EXOC6B: variants seen among roughly 807,000 people sequenced by gnomAD.
EXOC6B encodes SEC15 homolog B.
In EXOC6B, 54 loss-of-function variants were observed where a neutral mutation model predicts 113.5. The observed-to-expected ratio is 0.48, with a 90% CI of 0.38 to 0.60. The LOEUF (loss-of-function observed/expected upper bound fraction) is 0.60, where lower values mean the gene tolerates loss of function less well. EXOC6B is among the 20% of genes least tolerant of loss of function. The pLI is 0.00. For synonymous variants in EXOC6B, 357 were observed against 339.0 expected (o/e 1.05, Z -0.58); for missense variants, 797 against 977.5 (o/e 0.82, Z 2.46).
intron 1 of EXOC6B, among the ~76,000 whole-genome samples, chr2:72,780,390 T>C (rs1683953682): frequency 6.6e-6 from 1 of 152,198 alleles, no homozygotes; most frequent in Non-Finnish European, 1.5e-5. Flanking sequence ...TAAAATAACC[T>C]GATTATACAA....
In EXOC6B at chr2:72,178,322, G is replaced by C. The variant is rs894973791; in HGVS notation, c.*1013C>G. The C allele has an allele frequency of 2.6e-5, 4 of 152,222 alleles. No individual in the cohort carries two copies. Among genetic ancestry groups the C allele is most frequent in the African/African-American group, 9.6e-5 (4 of 41,452 alleles). The allele number at this position is 152,222 out of a possible 1,614,324, so 9.4% of individuals were successfully genotyped here. A position where few individuals can be genotyped will look rare whatever the true frequency, so the allele number is the denominator to read the frequency against. On this transcript the variant is annotated 3_prime_UTR_variant, in exon 22 of 22. Coordinates refer to ENST00000272427, the MANE Select transcript of EXOC6B (RefSeq NM_015189.3). ...CTTAAAGATGATAACCAAAAAGCTGGTTTTAAAACATAAAGGAACAATCCC... is the reference window on the plus strand; with the variant it reads ...CTTAAAGATGATAACCAAAAAGCTGCTTTTAAAACATAAAGGAACAATCCC...
intron 20 of EXOC6B, among the ~76,000 whole-genome samples, chr2:72,334,081 A>G (rs1249831422): frequency 2.0e-5 from 3 of 152,106 alleles, no homozygotes; most frequent in Non-Finnish European, 4.4e-5. Flanking sequence ...AGACAAAAAA[A>G]AAAAAGATTG....
intron 18 of EXOC6B, among the ~76,000 whole-genome samples, chr2:72,445,442 T>C (rs888805072): frequency 1.3e-5 from 2 of 152,140 alleles, no homozygotes; most frequent in Admixed American, 6.5e-5. Flanking sequence ...AGGGCCCCAC[T>C]CTACTGGTAC....
chr2:72,498,066 G>T (rs762003136), intron 13 of EXOC6B, among the ~76,000 whole-genome samples: 2 of 152,174 alleles, frequency 1.3e-5, no homozygotes, highest in Non-Finnish European at 2.9e-5. Flanking sequence ...ATTCCTAAGT[G>T]CTCAAATGTT....
At chr2:72,407,201 T>C (rs1693839525) in intron 18 of EXOC6B, among the ~76,000 whole-genome samples, 2 of 152,024 alleles carry the variant, frequency 1.3e-5, no homozygotes, top group Non-Finnish European at 2.9e-5. Flanking sequence ...AATAACAGGC[T>C]CTGAAATTGA....
At chr2:72,575,834 C>G (rs1299017495) in intron 6 of EXOC6B, among the ~76,000 whole-genome samples, 166 bp from the exon 7 acceptor site, 1 of 152,112 alleles carries the variant, frequency 6.6e-6, no homozygotes, top group African/African-American at 2.4e-5. Flanking sequence ...GGCCTTAGTA[C>G]ATAAAGTTTT....
chr2:72,321,646 C>G (rs140228458), intron 20 of EXOC6B, among the ~76,000 whole-genome samples: 2 of 151,910 alleles, frequency 1.3e-5, no homozygotes, highest in South Asian at 2.1e-4. Context: ...TCCGTTTATA[C>G]GCATTATTCC....
chr2:72,665,124 C>T (rs1051768916), intron 6 of EXOC6B, among the ~76,000 whole-genome samples: 4 of 152,080 alleles, frequency 2.6e-5, no homozygotes, highest in Non-Finnish European at 5.9e-5. Context: ...GTTTGCCAGC[C>T]GCAGCCTCTG....
intron 8 of EXOC6B, among the ~76,000 whole-genome samples, chr2:72,534,574 C>T (rs367604001): frequency 9.9e-5 from 15 of 152,182 alleles, no homozygotes; most frequent in African/African-American, 2.6e-4. Context: ...GGCAACTTTA[C>T]GTACGCTTAA....
intron 19 of EXOC6B, among the ~76,000 whole-genome samples, chr2:72,364,171 T>C (rs1330570314): frequency 6.6e-6 from 1 of 152,122 alleles, no homozygotes; most frequent in African/African-American, 2.4e-5. Context: ...TTGAATTTTA[T>C]GTATCATTTC....
At chr2:72,545,645 A>C (rs1702855759) in intron 8 of EXOC6B, among the ~76,000 whole-genome samples, 1 of 152,216 alleles carries the variant, frequency 6.6e-6, no homozygotes, top group Non-Finnish European at 1.5e-5. Context: ...TAATGTAGTC[A>C]AGTTTATGAA....
At chr2:72,588,920 T>C (rs1705751718) in intron 6 of EXOC6B, among the ~76,000 whole-genome samples, 1 of 152,010 alleles carries the variant, frequency 6.6e-6, no homozygotes, top group Non-Finnish European at 1.5e-5. Context: ...ATATTACCTT[T>C]TTCCTTTACA....
intron 19 of EXOC6B, among the ~76,000 whole-genome samples, chr2:72,375,886 A>C (rs933885692): frequency 6.6e-6 from 1 of 152,164 alleles, no homozygotes; most frequent in African/African-American, 2.4e-5. Context: ...TCTCCACATG[A>C]GCTTGCTTAA....
rs190900002 is a variant in EXOC6B, at chr2:72,484,128, C to G, written c.1666-3378G>C. Among the ~76,000 whole-genome samples, 442 of 150,944 alleles carry G rather than the reference C, an allele frequency of 2.9e-3. 2 individuals carry two copies. Among genetic ancestry groups the G allele is most frequent in the African/African-American group, 0.01 (428 of 41,188 alleles). On this transcript the variant is annotated intron_variant, in intron 16 of 21. Coordinates refer to ENST00000272427, the MANE Select transcript of EXOC6B (RefSeq NM_015189.3). ...CTAACAAGAAAGGTACATAGCACACCTTGGAGGTAATTTCTTTTTTTTTTT... is the reference window on the plus strand; with the variant it reads ...CTAACAAGAAAGGTACATAGCACACGTTGGAGGTAATTTCTTTTTTTTTTT...
intron 6 of EXOC6B, among the ~76,000 whole-genome samples, chr2:72,714,255 G>A (rs1248621519): frequency 6.6e-6 from 1 of 152,288 alleles, no homozygotes; most frequent in East Asian, 1.9e-4. Context: ...TAAAATAAAA[G>A]ACATGGGTTT....
chr2:72,253,662 C>G (rs999603504), intron 20 of EXOC6B, among the ~76,000 whole-genome samples: 1 of 151,942 alleles, frequency 6.6e-6, no homozygotes, highest in Non-Finnish European at 1.5e-5. Flanking sequence ...CATATGGACA[C>G]AAAGAAGGGA....
chr2:72,231,778 C>T (rs1681635943), intron 20 of EXOC6B, among the ~76,000 whole-genome samples: 1 of 152,120 alleles, frequency 6.6e-6, no homozygotes, highest in African/African-American at 2.4e-5. Flanking sequence ...GAATGAGATA[C>T]ATTTTGACTA....
intron 2 of EXOC6B, among the ~76,000 whole-genome samples, chr2:72,741,036 G>T (rs367910679): frequency 6.6e-6 from 1 of 151,850 alleles, no homozygotes; most frequent in African/African-American, 2.4e-5. Flanking sequence ...CCCAGGAGGC[G>T]GAGCTTGCAG....
At chr2:72,230,376 A>C (rs1681541760) in intron 20 of EXOC6B, among the ~76,000 whole-genome samples, 1 of 152,180 alleles carries the variant, frequency 6.6e-6, no homozygotes, top group Non-Finnish European at 1.5e-5. Flanking sequence ...TGAATTTGGG[A>C]GGTCTAACTT....
Sources: allele counts gnomAD v4.1 joint callset (sites outside exome capture counted in the v4.1 genomes callset), GRCh38; gene constraint gnomAD v4.1.1; transcripts MANE v1.5; gene names NCBI Gene and HGNC (gene_info 2026-07-23, HGNC 2026-07-21).